Variants in LIPC observed in about 807,000 individuals in gnomAD.
LIPC encodes the protein lipase C, hepatic type.
Under a neutral mutation model 50.7 loss-of-function variants are expected in LIPC, and 44 were observed. That is an observed-to-expected ratio of 0.87 (90% CI 0.68 to 1.11). The LOEUF (loss-of-function observed/expected upper bound fraction) is 1.11, where lower values mean the gene tolerates loss of function less well. Ranked by LOEUF, LIPC falls within the 50% of genes most tolerant of loss-of-function variation. The pLI, the probability that LIPC is intolerant of heterozygous loss-of-function variation, is 0.00. For synonymous variants in LIPC, 271 were observed against 256.4 expected (o/e 1.06, Z -0.54); for missense variants, 697 against 648.2 (o/e 1.08, Z -0.82).
At chr15:58,549,154 T>C (rs1431069585) in intron 6 of LIPC, among the ~76,000 whole-genome samples, 2 of 152,096 alleles carry the variant, frequency 1.3e-5, no homozygotes, top group African/African-American at 4.8e-5. Context: ...GAATGGAAGA[T>C]TGTAGAAAGG....
At chr15:58,518,588 T>A (rs183935061) in intron 1 of LIPC, among the ~76,000 whole-genome samples, 7 of 152,170 alleles carry the variant, frequency 4.6e-5, no homozygotes, top group Non-Finnish European at 8.8e-5. Context: ...AGGAAACATT[T>A]CTGGAAGGCA....
chr15:58,448,795 T>C (rs941001532), intron 1 of LIPC, among the ~76,000 whole-genome samples: 17 of 152,196 alleles, frequency 1.1e-4, no homozygotes, highest in Admixed American at 1.0e-3. Context: ...TTCAGTGAAA[T>C]ATATGCAAAA....
intron 1 of LIPC, among the ~76,000 whole-genome samples, chr15:58,438,168 C>T (rs557982778): frequency 1.3e-5 from 2 of 152,326 alleles, no homozygotes; most frequent in Admixed American, 6.5e-5. Flanking sequence ...CCCTGCCCTC[C>T]TCTCCACATC....
chr15:58,517,317 C>T (rs1448788785), intron 1 of LIPC, among the ~76,000 whole-genome samples: 1 of 152,248 alleles, frequency 6.6e-6, no homozygotes, highest in East Asian at 1.9e-4. Flanking sequence ...CCCCTCTCTC[C>T]ACTATGTGGC....
intron 1 of LIPC, among the ~76,000 whole-genome samples, chr15:58,438,380 A>C (rs1893382272): frequency 6.6e-6 from 1 of 152,200 alleles, no homozygotes; most frequent in Non-Finnish European, 1.5e-5. Context: ...TCTCACAGCC[A>C]GGAAGGTACT....
At chr15:58,514,382 A>G (rs1315644238) in intron 1 of LIPC, among the ~76,000 whole-genome samples, 1 of 152,260 alleles carries the variant, frequency 6.6e-6, no homozygotes, top group Non-Finnish European at 1.5e-5. Context: ...AGTATTTGGT[A>G]TTATAAGGAG....
At chr15:58,519,521 T>C (rs1892590018) in intron 1 of LIPC, among the ~76,000 whole-genome samples, 1 of 152,164 alleles carries the variant, frequency 6.6e-6, no homozygotes, top group African/African-American at 2.4e-5. Flanking sequence ...TCACCTCCCA[T>C]GCATTGAACA....
Position 58,477,454 on chromosome 15 carries a change from T to C in LIPC, c.88+45334T>C, listed in dbSNP as rs776703417. On this transcript the variant is annotated intron_variant, in intron 1 of 8. Coordinates refer to ENST00000299022, the MANE Select transcript of LIPC (RefSeq NM_000236.3). ...GAAAAGCACTGAGAGAGGGGAAGTG[T>C]GGGTGGAGCTTATGGACATTCTATG... Among the ~76,000 whole-genome samples, 49 of 152,302 alleles carry C rather than the reference T, an allele frequency of 3.2e-4. No individual in the cohort carries two copies. In the Middle Eastern group the frequency reaches 0.01, roughly 32 times the overall value.
rs1566947396 is a variant in LIPC at position 58,548,429 on chromosome 15, G to T, written c.908G>T (p.Gly303Val). ...ACGCAGAGCATGGCCTACCCGTGTG[G>T]TGACATGAACAGCTTCAGCCAGGGC... ...AGTQSMAYPC[G>V]DMNSFSQGLC... The change falls in exon 6 of 9, where the codon GGT becomes GTT. Residue 303 changes from glycine (G) to valine (V), a missense_variant. By Grantham distance (109) the Gly-to-Val change is moderately radical. Coordinates refer to ENST00000299022, the MANE Select transcript of LIPC (RefSeq NM_000236.3). 2 of 1,614,108 alleles carry T rather than the reference G, an allele frequency of 1.2e-6. No individual in the cohort carries two copies. The highest frequency in any genetic ancestry group is 1.7e-6 in the Non-Finnish European group (2 of 1,180,032).
intron 4 of LIPC, 98 bp downstream of exon 4, chr15:58,542,749 C>T: frequency 1.2e-6 from 1 of 800,352 alleles, no homozygotes; most frequent in Non-Finnish European, 2.2e-6. Flanking sequence ...AACACCCCAA[C>T]ACTTATTGTG....
At chr15:58,537,653 C>T (rs1188533354) in intron 1 of LIPC, among the ~76,000 whole-genome samples, 6 of 152,226 alleles carry the variant, frequency 3.9e-5, no homozygotes, top group Middle Eastern at 3.4e-3. Flanking sequence ...CCCTGACCCC[C>T]GCAACAAAAC....
intron 1 of LIPC, chr15:58,456,457 A>T (rs1894116886): frequency 6.6e-6 from 1 of 152,262 alleles, no homozygotes; most frequent in Non-Finnish European, 1.5e-5. Flanking sequence ...TTCCAGTATG[A>T]AGGGCAAAAA....
chr15:58,501,490 A>T (rs577715939), intron 1 of LIPC, among the ~76,000 whole-genome samples: 19 of 152,108 alleles, frequency 1.2e-4, no homozygotes, highest in Admixed American at 3.3e-4. Flanking sequence ...TGTATTTTTA[A>T]CATCTGCGTC....
chr15:58,558,261 CG>C (rs34214991), intron 6 of LIPC, among the ~76,000 whole-genome samples: 23,643 of 151,722 alleles, frequency 0.16, 2,070 homozygotes, highest in South Asian at 0.33. Flanking sequence ...TTAGTAGAGA[CG>C]GGGTTTCACC....
intron 1 of LIPC, among the ~76,000 whole-genome samples, chr15:58,502,927 A>C (rs904796424): frequency 4.7e-4 from 69 of 147,004 alleles, no homozygotes; most frequent in African/African-American, 1.6e-3. Context: ...TAATCATTCA[A>C]CAGGTATTTG....
rs531433375 is a variant in LIPC at position 58,496,975 on chromosome 15, G to A, written c.89-41358G>A. On this transcript the variant is annotated intron_variant, in intron 1 of 8. Coordinates refer to ENST00000299022, the MANE Select transcript of LIPC (RefSeq NM_000236.3). The stretch of plus-strand genomic sequence containing the variant: ...GCTGGGATTACAGGCATAAGCCACC[G>A]CGCCCGGCCCTTTTAAAGTAAATCT... Among the ~76,000 whole-genome samples the A allele has an allele frequency of 8.5e-5, 13 of 152,242 alleles. No homozygotes were observed. The South Asian group carries it at 1.2e-3, about 15-fold the overall frequency.
At chr15:58,497,176 G>C (rs1163434219) in intron 1 of LIPC, among the ~76,000 whole-genome samples, 1 of 152,216 alleles carries the variant, frequency 6.6e-6, no homozygotes, top group African/African-American at 2.4e-5. Flanking sequence ...GCTGGCCTGA[G>C]TGGTCAGTGT....
chr15:58,548,928 A>T (rs1233660366), intron 6 of LIPC, among the ~76,000 whole-genome samples: 1 of 152,160 alleles, frequency 6.6e-6, no homozygotes, highest in African/African-American at 2.4e-5. Flanking sequence ...ATCTCCAAAC[A>T]CATCCTAGAA....
chr15:58,522,729 T>A (rs1892693291), intron 1 of LIPC: 1 of 152,960 alleles, frequency 6.5e-6, no homozygotes, highest in African/African-American at 2.4e-5. Context: ...ACCTCAGGCA[T>A]TGCTATGGCC....
Sources: gnomAD v4.1 joint callset for allele counts (sites outside exome capture counted in the v4.1 genomes callset) on GRCh38, gnomAD v4.1.1 for gene constraint, MANE v1.5 for transcripts, NCBI Gene and HGNC (gene_info 2026-07-23, HGNC 2026-07-21) for gene names.